The following A2M variants were observed in gnomAD, a reference collection of about 807,000 sequenced individuals.
A2M encodes the protein C3 and PZP-like alpha-2-macroglobulin domain-containing protein 5.
Under a neutral mutation model 183.9 loss-of-function variants are expected in A2M, and 128 were observed. The ratio of observed to expected loss-of-function variants is 0.70; its 90% CI spans 0.60 to 0.81. The LOEUF is 0.81. Among genes scored for constraint, A2M ranks in the 30% least tolerant of loss-of-function variants. A2M has a pLI of 0.00. For missense variants in A2M, 1,495 were observed against 1,787.6 expected, an observed-to-expected ratio of 0.84 and a Z score of 2.95; for synonymous variants, 592 against 670.8, an observed-to-expected ratio of 0.88 and a Z score of 1.81.
Position 9,104,405 on chromosome 12 carries a change from A to G in A2M, c.1105-5T>C. ...TTTCCCATCTACTAGGCGCACCTGA[A>G]GATTAAAAGCTGTGGATTAGTTATA... is the stretch of plus-strand genomic sequence containing the variant. On this transcript the variant is annotated splice_region_variant and splice_polypyrimidine_tract_variant and intron_variant, in intron 10 of 35. Coordinates refer to ENST00000318602, the MANE Select transcript of A2M (RefSeq NM_000014.6). The G allele has an allele frequency of 6.3e-7, 1 of 1,577,284 alleles. No homozygotes were observed.
chr12:9,084,501 A>G (rs1245819061), intron 22 of A2M, among the ~76,000 whole-genome samples: 1 of 152,154 alleles, frequency 6.6e-6, no homozygotes, highest in Non-Finnish European at 1.5e-5. Context: ...AATTGACTGT[A>G]AACCCCATAG....
At chr12:9,110,506 A>G (rs1187856856) in intron 4 of A2M, among the ~76,000 whole-genome samples, 172 bp from the exon 5 acceptor site, 1 of 152,030 alleles carries the variant, frequency 6.6e-6, no homozygotes, top group African/African-American at 2.4e-5. Context: ...TCGTAACACA[A>G]AGAATAAATG....
intron 15 of A2M, among the ~76,000 whole-genome samples, chr12:9,098,119 T>A (rs1949440667): frequency 6.6e-6 from 1 of 152,236 alleles, no homozygotes; most frequent in African/African-American, 2.4e-5. Context: ...ATTTTAAATA[T>A]ATAATTTTCG....
chr12:9,095,008 A>G lies in A2M; in HGVS notation c.2090T>C (p.Met697Thr), dbSNP rs1949330907. The change falls in exon 17 of 36, where the codon ATG becomes ACG. Residue 697 changes from methionine to threonine, a missense_variant. Coordinates refer to ENST00000318602, the MANE Select transcript of A2M (RefSeq NM_000014.6). ...TACACGTAGACCTTCAGGTCCATGC[A>G]TTTCATACTGTTGAAGCTGTGGACA... ...KMCPQLQQYE[M>T]HGPEGLRVGF... The G allele has an allele frequency of 6.3e-7, 1 of 1,591,682 alleles. No individual in the cohort carries two copies. The highest frequency in any genetic ancestry group is 1.2e-5 in the South Asian group (1 of 85,738).
intron 28 of A2M, among the ~76,000 whole-genome samples, chr12:9,075,425 AT>A (rs779321055): frequency 4.7e-4 from 71 of 152,208 alleles, no homozygotes; most frequent in African/African-American, 1.3e-3. Context: ...TCATTGCAGC[AT>A]TTTTTTTAAT....
intron 5 of A2M, 64 bp from the exon 6 acceptor site, chr12:9,110,099 T>A: frequency 6.6e-6 from 10 of 1,526,216 alleles, no homozygotes; most frequent in South Asian, 1.3e-5. Context: ...ATAAAAGATA[T>A]CTATGGAAAC....
chr12:9,072,067 A>G (rs1405412843), intron 31 of A2M, among the ~76,000 whole-genome samples: 1 of 152,230 alleles, frequency 6.6e-6, no homozygotes, highest in African/African-American at 2.4e-5. Flanking sequence ...CAAGAATAAT[A>G]TAGGATTTCA....
rs1948842942 is a variant in A2M, at chr12:9,079,494, G to A, written c.3031+145C>T. 5.8e-5 allele frequency: 60 copies of A among 1,029,022 alleles called. No homozygotes were observed. In the South Asian group the frequency reaches 9.1e-4, roughly 16 times the overall value. The allele number at this position is 1,029,022 out of a possible 1,614,324, so 63.7% of individuals were successfully genotyped here. ...AATATTTTATTGGAGGTTGGAGAGT[G>A]GATAGTTTCCTTGAAATTAACTATC... On this transcript the variant is annotated intron_variant, in intron 24 of 35. Coordinates refer to ENST00000318602, the MANE Select transcript of A2M (RefSeq NM_000014.6).
At chr12:9,091,467 G>A (rs746936306) in intron 18 of A2M, 38 bp from the exon 19 acceptor site, 2 of 1,603,060 alleles carry the variant, frequency 1.2e-6, no homozygotes, top group Admixed American at 3.3e-5. Flanking sequence ...AAAGTAAGCA[G>A]TTAAATACAT....
At chr12:9,101,041 C>T in intron 13 of A2M, 103 bp downstream of exon 13, 1 of 1,124,660 alleles carries the variant, frequency 8.9e-7, no homozygotes, top group East Asian at 2.6e-5. Context: ...CCTGTTCCCC[C>T]AAAAACCTAT....
Position 9,094,970 on chromosome 12 carries a change from T to A in A2M, c.2125+3A>T. 4 of 1,482,070 alleles carry A rather than the reference T, an allele frequency of 2.7e-6. No homozygotes were observed. Among genetic ancestry groups the A allele is most frequent in the Non-Finnish European group, 3.6e-6 (4 of 1,102,486 alleles). 91.8% of individuals were successfully genotyped at this position (1,482,070 alleles called of 1,614,324 possible). ...AATATATATTTATTAATTTTTTGTT[T>A]ACCATAAAAACCTACACGTAGACCT... On this transcript the variant is annotated splice_donor_region_variant and intron_variant, in intron 17 of 35. Coordinates refer to ENST00000318602, the MANE Select transcript of A2M (RefSeq NM_000014.6).
intron 23 of A2M, 100 bp downstream of exon 23, chr12:9,079,994 G>A: frequency 1.1e-6 from 1 of 944,248 alleles, no homozygotes; most frequent in South Asian, 2.5e-5. Context: ...GAAGAAAGAA[G>A]TTAAAATTAT....
intron 10 of A2M, 78 bp downstream of exon 10, chr12:9,106,158 G>T: frequency 1.2e-6 from 1 of 844,832 alleles, no homozygotes; most frequent in East Asian, 2.5e-5. Context: ...ACCAGGCATG[G>T]TTTTAGCACA....
At chr12:9,090,866 G>A (rs957432779) in intron 19 of A2M, among the ~76,000 whole-genome samples, 1 of 152,068 alleles carries the variant, frequency 6.6e-6, no homozygotes, top group African/African-American at 2.4e-5. Context: ...TTTAAAATTA[G>A]GTTTAATATA....
chr12:9,087,386 G>A (rs1949081310), intron 22 of A2M, among the ~76,000 whole-genome samples: 1 of 152,146 alleles, frequency 6.6e-6, no homozygotes, highest in Admixed American at 6.5e-5. Context: ...AGGAGATTAT[G>A]TTATGTGAAA....
chr12:9,106,747 A>G, intron 8 of A2M, 142 bp from the exon 9 acceptor site: 2 of 466,334 alleles, frequency 4.3e-6, no homozygotes, highest in Non-Finnish European at 7.6e-6. Context: ...AATATTCTCT[A>G]GCAACTAAAT....
chr12:9,076,888 T>C lies in A2M; in HGVS notation c.3400A>G (p.Thr1134Ala). 1 of 1,611,078 alleles carries C rather than the reference T, an allele frequency of 6.2e-7. No homozygotes were observed. Among genetic ancestry groups the C allele is most frequent in the Non-Finnish European group, 8.5e-7 (1 of 1,178,428 alleles). ...CTGCCATGGTCCCCTTCTTGTGCTGTCTTCCAGGCTGACTCCAGGCAAAAC... is the reference window on the plus strand; with the variant it reads ...CTGCCATGGTCCCCTTCTTGTGCTGCCTTCCAGGCTGACTCCAGGCAAAAC... ...ALFCLESAWK[T>A]AQEGDHGSHV... Residue 1134 changes from threonine (T) to alanine (A), a missense_variant, in exon 28 of 36, where the codon ACA (threonine) becomes GCA (alanine). Transcript: ENST00000318602.
chr12:9,077,331 T>C lies in A2M; in HGVS notation c.3351+15A>G. 1 of 1,608,352 alleles carries C rather than the reference T, an allele frequency of 6.2e-7. No homozygotes were observed. Among genetic ancestry groups the C allele is most frequent in the Non-Finnish European group, 8.5e-7 (1 of 1,175,670 alleles). ...CCAGAACTCTCCTTCAGCAGAGGAA[T>C]GGGGTGGTACCTACAGTGACTGTGA... On this transcript the variant is annotated intron_variant, in intron 27 of 35. Coordinates refer to ENST00000318602, the MANE Select transcript of A2M (RefSeq NM_000014.6).
chr12:9,106,170 A>G (rs775423139), intron 10 of A2M, 66 bp downstream of exon 10: 13 of 941,084 alleles, frequency 1.4e-5, no homozygotes, highest in Non-Finnish European at 2.0e-5. Context: ...TTTAGCACAA[A>G]CCATAACTAT....
Sources: gnomAD v4.1 joint callset for allele counts (sites outside exome capture counted in the v4.1 genomes callset) on GRCh38, gnomAD v4.1.1 for gene constraint, MANE v1.5 for transcripts, NCBI Gene and HGNC (gene_info 2026-07-23, HGNC 2026-07-21) for gene names.